SGCZ: variants seen among roughly 807,000 people sequenced by gnomAD.
The protein encoded by SGCZ is zeta-sarcoglycan.
A neutral mutation model predicts 41.3 loss-of-function variants in SGCZ; 40 were observed. The ratio of observed to expected loss-of-function variants is 0.97; its 90% CI spans 0.75 to 1.26. SGCZ has a LOEUF of 1.26. Among genes scored for constraint, SGCZ ranks in the 50% most tolerant of loss-of-function variants. The pLI is 0.00. For synonymous variants in SGCZ, 206 were observed against 137.5 expected (o/e 1.50, Z -3.49); for missense variants, 552 against 369.8 (o/e 1.49, Z -4.04).
chr8:14,363,931 T>G (rs1171888153), intron 2 of SGCZ, among the ~76,000 whole-genome samples: 36 of 152,194 alleles, frequency 2.4e-4, no homozygotes, highest in Non-Finnish European at 4.4e-5. Context: ...CTCCTTTGCC[T>G]TTTATTTTCC....
intron 4 of SGCZ, among the ~76,000 whole-genome samples, chr8:14,215,772 A>T (rs1317885435): frequency 1.3e-5 from 2 of 152,218 alleles, no homozygotes; most frequent in Non-Finnish European, 2.9e-5. Context: ...TATTACCAAA[A>T]GCAAAATAAG....
intron 1 of SGCZ, among the ~76,000 whole-genome samples, chr8:14,677,555 G>C (rs1004553900): frequency 9.2e-5 from 14 of 152,132 alleles, no homozygotes; most frequent in African/African-American, 3.1e-4. Context: ...CAGATCACTT[G>C]AGGCCAGGAG....
chr8:14,232,364 T>C lies in SGCZ; in HGVS notation c.424+5228A>G, dbSNP rs948071483. Among the ~76,000 whole-genome samples the C allele has an allele frequency of 4.6e-5, 7 of 151,926 alleles. No individual in the cohort carries two copies. In the East Asian group the frequency reaches 1.2e-3, roughly 25 times the overall value. On this transcript the variant is annotated intron_variant, in intron 4 of 7. Coordinates refer to ENST00000382080, the MANE Select transcript of SGCZ (RefSeq NM_139167.4). ...AAAAGCTGTTTACAACAGTTTCTAT[T>C]GTTAAGTGATGTTAATTGCTCAAAG... is the stretch of plus-strand genomic sequence containing the variant.
chr8:14,234,500 A>G (rs1563201865), intron 4 of SGCZ, among the ~76,000 whole-genome samples: 1 of 152,128 alleles, frequency 6.6e-6, no homozygotes, highest in Non-Finnish European at 1.5e-5. Flanking sequence ...ATACCTTTCT[A>G]ACAGAAATCG....
intron 5 of SGCZ, among the ~76,000 whole-genome samples, chr8:14,127,594 T>G (rs1371519808): frequency 1.3e-5 from 2 of 152,088 alleles, no homozygotes; most frequent in African/African-American, 2.4e-5. Flanking sequence ...TAGCTGGGAC[T>G]ACAGGCACCC....
chr8:15,125,303 C>T (rs757624884), intron 1 of SGCZ, among the ~76,000 whole-genome samples: 2 of 152,192 alleles, frequency 1.3e-5, no homozygotes, highest in Non-Finnish European at 1.5e-5. Flanking sequence ...CCTTTCTACA[C>T]TCATCTACCC....
chr8:14,154,825 T>C (rs1459462719), intron 5 of SGCZ, among the ~76,000 whole-genome samples: 1 of 152,116 alleles, frequency 6.6e-6, no homozygotes, highest in Non-Finnish European at 1.5e-5. Context: ...CACATGTAGG[T>C]GTTCTGACAG....
At chr8:15,031,551 C>A (rs1017026387) in intron 1 of SGCZ, among the ~76,000 whole-genome samples, 9 of 152,132 alleles carry the variant, frequency 5.9e-5, no homozygotes, top group African/African-American at 1.9e-4. Flanking sequence ...CTCACAACAA[C>A]CCTGTGAGGT....
intron 4 of SGCZ, among the ~76,000 whole-genome samples, chr8:14,211,487 C>G (rs1046715156): frequency 1.3e-5 from 2 of 152,164 alleles, no homozygotes; most frequent in Non-Finnish European, 2.9e-5. Flanking sequence ...AGTTCTCACA[C>G]TGCTGTAAAG....
At chr8:14,377,330 A>G (rs1585424472) in intron 2 of SGCZ, among the ~76,000 whole-genome samples, 2 of 151,880 alleles carry the variant, frequency 1.3e-5, no homozygotes. Context: ...ATGCAGAGGT[A>G]CCCCTTGCCA....
intron 1 of SGCZ, among the ~76,000 whole-genome samples, chr8:15,009,680 A>G (rs948882104): frequency 1.3e-5 from 2 of 152,206 alleles, no homozygotes; most frequent in Non-Finnish European, 2.9e-5. Context: ...GGTTCTCGGA[A>G]GATAACTCTC....
At chr8:15,066,996 T>A (rs1198522154) in intron 1 of SGCZ, among the ~76,000 whole-genome samples, 3 of 152,198 alleles carry the variant, frequency 2.0e-5, no homozygotes, top group Non-Finnish European at 4.4e-5. Flanking sequence ...TCTAGGGAAA[T>A]AAAACCTTCT....
rs975690516 is a variant in SGCZ, at chr8:15,015,347, A to G, written c.39+222238T>C. 1.1e-4 allele frequency among the ~76,000 whole-genome samples: 16 copies of G among 152,198 alleles called. 1 individual carries two copies. Among genetic ancestry groups the G allele is most frequent in the South Asian group, 4.1e-4 (2 of 4,838 alleles). On this transcript the variant is annotated intron_variant, in intron 1 of 7. Transcript: ENST00000382080. ...CAAATAGATGATAGATGGATTATTT[A>G]TGAATGTCTGAAAAACACTGTAAAA...
intron 2 of SGCZ, among the ~76,000 whole-genome samples, chr8:14,347,115 A>G (rs1267966853): frequency 6.6e-6 from 1 of 152,142 alleles, no homozygotes; most frequent in East Asian, 1.9e-4. Flanking sequence ...TTAACATTCT[A>G]GCTGAGAGAC....
intron 3 of SGCZ, among the ~76,000 whole-genome samples, chr8:14,320,704 T>G (rs1304876498): frequency 6.6e-6 from 1 of 152,050 alleles, no homozygotes; most frequent in Non-Finnish European, 1.5e-5. Flanking sequence ...TGTGCTTAAC[T>G]GTGGAGTTAC....
chr8:14,099,959 T>G (rs895754131), intron 7 of SGCZ, among the ~76,000 whole-genome samples: 24 of 129,510 alleles, frequency 1.9e-4, no homozygotes, highest in African/African-American at 6.3e-4. Context: ...CATCATTTCA[T>G]CCATCATTTT....
chr8:14,482,616 C>G (rs7007294), intron 2 of SGCZ, among the ~76,000 whole-genome samples: 4,861 of 152,182 alleles, frequency 0.032, 245 homozygotes, highest in African/African-American at 0.11. Flanking sequence ...AGTGGTTAGA[C>G]ATTATTTCTG....
At chr8:15,105,448 G>A (rs1347895909) in intron 1 of SGCZ, among the ~76,000 whole-genome samples, 1 of 152,098 alleles carries the variant, frequency 6.6e-6, no homozygotes, top group Admixed American at 6.6e-5. Context: ...GTACAATCAA[G>A]GCAGAAGGTG....
chr8:15,098,918 G>C (rs1398882793), intron 1 of SGCZ, among the ~76,000 whole-genome samples: 1 of 152,066 alleles, frequency 6.6e-6, no homozygotes, highest in Non-Finnish European at 1.5e-5. Flanking sequence ...ATTAGCCGGG[G>C]GTGGTGGTGG....
Sources: gnomAD v4.1 joint callset for allele counts (sites outside exome capture counted in the v4.1 genomes callset) on GRCh38, gnomAD v4.1.1 for gene constraint, MANE v1.5 for transcripts, NCBI Gene and HGNC (gene_info 2026-07-23, HGNC 2026-07-21) for gene names.